EEPD1: variants seen among roughly 807,000 people sequenced by gnomAD.
EEPD1 encodes endonuclease/exonuclease/phosphatase family domain-containing protein 1.
In EEPD1, 17 loss-of-function variants were observed where a neutral mutation model predicts 46.3. That is an observed-to-expected ratio of 0.37 (90% CI 0.25 to 0.55). The LOEUF is 0.55. Ranked by LOEUF, EEPD1 falls within the 20% of genes least tolerant of loss-of-function variation. The pLI is 0.83. For synonymous variants in EEPD1, 313 were observed against 315.6 expected, an observed-to-expected ratio of 0.99 and a Z score of 0.09; for missense variants, 673 against 745.6, an observed-to-expected ratio of 0.90 and a Z score of 1.13.
chr7:36,271,795 C>A (rs952573982), intron 3 of EEPD1, among the ~76,000 whole-genome samples: 11 of 149,356 alleles, frequency 7.4e-5, no homozygotes, highest in Non-Finnish European at 1.3e-4. Context: ...GGAACATAAG[C>A]CTCCTATTCT....
At chr7:36,197,718 T>G (rs1240061442) in intron 2 of EEPD1, among the ~76,000 whole-genome samples, 1 of 151,972 alleles carries the variant, frequency 6.6e-6, no homozygotes, top group Admixed American at 6.6e-5. Context: ...GAAGGCAGCA[T>G]GCTCGTTAAG....
rs1476592033 is a variant in EEPD1 at position 36,219,800 on chromosome 7, A to AGTGTGT, written c.879-19184_879-19183insTGTGTG. 3.1e-3 allele frequency among the ~76,000 whole-genome samples: 206 copies of AGTGTGT among 66,558 alleles called. 1 individual carries two copies. The highest frequency in any genetic ancestry group is 9.3e-3 in the Middle Eastern group (1 of 108). The allele number at this position is 66,558 out of a possible 152,430, so 43.7% of individuals were successfully genotyped here. A position where few individuals can be genotyped will look rare whatever the true frequency, so the allele number is the denominator to read the frequency against. ...AAGAGAGAGAGAGAGAGAGAGAGAG[A>AGTGTGT]GAGAGAGTGTGTGTGTGTGTGTGTG... On this transcript the variant is annotated intron_variant, in intron 2 of 7. Transcript: ENST00000242108.
chr7:36,246,688 G>A (rs1327733356), intron 3 of EEPD1, among the ~76,000 whole-genome samples: 1 of 152,112 alleles, frequency 6.6e-6, no homozygotes, highest in Non-Finnish European at 1.5e-5. Flanking sequence ...CCTGCTGATA[G>A]GTGTTTTTTT....
At chr7:36,157,911 A>G (rs745491502) in intron 2 of EEPD1, among the ~76,000 whole-genome samples, 1 of 152,016 alleles carries the variant, frequency 6.6e-6, no homozygotes, top group African/African-American at 2.4e-5. Context: ...TCCCCTTCCA[A>G]TTGTTCCCGT....
chr7:36,207,803 T>A (rs1785848097), intron 2 of EEPD1, among the ~76,000 whole-genome samples: 1 of 152,082 alleles, frequency 6.6e-6, no homozygotes, highest in South Asian at 2.1e-4. Flanking sequence ...TTAGTAATCC[T>A]CGAGTCTTAG....
At chr7:36,204,416 T>TGAGGAGGAG (rs755423607) in intron 2 of EEPD1, among the ~76,000 whole-genome samples, 1 of 146,346 alleles carries the variant, frequency 6.8e-6, no homozygotes, top group Non-Finnish European at 1.6e-5. Context: ...GCAGCAATGA[T>TGAGGAGGAG]GATGAGGAGG....
chr7:36,259,130 GGT>G lies in EEPD1; in HGVS notation c.930+20096_930+20097del, dbSNP rs368053414. On this transcript the variant is annotated intron_variant, in intron 3 of 7. Coordinates refer to ENST00000242108, the MANE Select transcript of EEPD1 (RefSeq NM_030636.3). Reference sequence around the variant, plus strand: ...CGGACCCCTTGTGCTTCCCAGGTGAGGTGATACCCCATCCTGGTTCAGCTCGC... The same window carrying G: ...CGGACCCCTTGTGCTTCCCAGGTGAGGATACCCCATCCTGGTTCAGCTCGC... Among the ~76,000 whole-genome samples, 207 of 152,260 alleles carry G rather than the reference GGT, an allele frequency of 1.4e-3. 1 individual carries two copies. The highest frequency in any genetic ancestry group is 4.8e-3 in the African/African-American group (199 of 41,548).
intron 2 of EEPD1, among the ~76,000 whole-genome samples, chr7:36,173,032 G>T (rs1785116529): frequency 6.6e-6 from 1 of 152,070 alleles, no homozygotes; most frequent in Non-Finnish European, 1.5e-5. Flanking sequence ...TGCTTGGTTT[G>T]TGTGGAAAAA....
chr7:36,292,917 C>T (rs771884171), intron 6 of EEPD1, among the ~76,000 whole-genome samples: 25 of 151,900 alleles, frequency 1.6e-4, no homozygotes, highest in Non-Finnish European at 3.1e-4. Context: ...GAAAAGAGGA[C>T]TTGGAAGAAT....
chr7:36,209,460 G>A (rs755256390), intron 2 of EEPD1, among the ~76,000 whole-genome samples: 21 of 152,168 alleles, frequency 1.4e-4, no homozygotes, highest in Non-Finnish European at 2.6e-4. Flanking sequence ...CACGTGTGCC[G>A]TTATTGATGA....
intron 2 of EEPD1, among the ~76,000 whole-genome samples, chr7:36,235,141 C>T (rs985952823): frequency 1.0e-4 from 15 of 148,072 alleles, no homozygotes; most frequent in African/African-American, 3.0e-4. Flanking sequence ...TCCCCTACAG[C>T]CTCCAGCCCA....
intron 2 of EEPD1, among the ~76,000 whole-genome samples, chr7:36,221,666 A>C (rs1051135509): frequency 6.6e-5 from 10 of 152,206 alleles, no homozygotes; most frequent in Non-Finnish European, 8.8e-5. Flanking sequence ...ATTTTGAGGA[A>C]TGAAAGCTTT....
At position 36,171,512 on chromosome 7, in the gene EEPD1, T is replaced by G. The variant is rs552430198; in HGVS notation, c.878+16310T>G. Among the ~76,000 whole-genome samples the G allele has an allele frequency of 2.0e-5, 3 of 152,368 alleles. No homozygotes were observed. The South Asian group carries it at 6.2e-4, about 32-fold the overall frequency. ...CTTTCATAGTTCAGACATCATTGAT[T>G]GAATCTTGTTTTACTAAATCTTTCT... On this transcript the variant is annotated intron_variant, in intron 2 of 7. Transcript: ENST00000242108.
At chr7:36,229,421 T>C (rs1786281159) in intron 2 of EEPD1, 1 of 152,224 alleles carries the variant, frequency 6.6e-6, no homozygotes, top group Non-Finnish European at 1.5e-5. Flanking sequence ...AGAATGTGAA[T>C]GCACAGCTTT....
chr7:36,196,933 C>T (rs1785608496), intron 2 of EEPD1, among the ~76,000 whole-genome samples: 1 of 151,346 alleles, frequency 6.6e-6, no homozygotes, highest in Admixed American at 6.6e-5. Context: ...TGAGGAGCGC[C>T]TCTTCCGGGC....
At chr7:36,190,983 C>T (rs1398501653) in intron 2 of EEPD1, among the ~76,000 whole-genome samples, 1 of 152,228 alleles carries the variant, frequency 6.6e-6, no homozygotes, top group Admixed American at 6.5e-5. Context: ...TCACTGACCT[C>T]TTCCCCAGAA....
intron 2 of EEPD1, among the ~76,000 whole-genome samples, chr7:36,170,377 C>T (rs1433645612): frequency 6.6e-6 from 1 of 151,854 alleles, no homozygotes; most frequent in African/African-American, 2.4e-5. Flanking sequence ...CCACTGCACT[C>T]CAGCCTGGGT....
rs3053348 is a variant in EEPD1, at chr7:36,183,888, T to TTGTTTTTTTTTTTTTTTTTTTTTTTTG, written c.878+28686_878+28687insTGTTTTTTTTTTTTTTTTTTTTTTTTG. Among the ~76,000 whole-genome samples the TTGTTTTTTTTTTTTTTTTTTTTTTTTG allele has an allele frequency of 4.4e-5, 6 of 135,414 alleles. 1 individual carries two copies. Among genetic ancestry groups the TTGTTTTTTTTTTTTTTTTTTTTTTTTG allele is most frequent in the Non-Finnish European group, 8.2e-5 (5 of 60,650 alleles). The allele number at this position is 135,414 out of a possible 152,430, so 88.8% of individuals were successfully genotyped here. A position where few individuals can be genotyped will look rare whatever the true frequency, so the allele number is the denominator to read the frequency against. On this transcript the variant is annotated intron_variant, in intron 2 of 7. Transcript: ENST00000242108. ...TTCCTAGCCCTCGTTTTTTTTTTTT[T>TTGTTTTTTTTTTTTTTTTTTTTTTTTG]ATTTTTAAAAAAATGTGTGTTGTTG...
intron 2 of EEPD1, among the ~76,000 whole-genome samples, chr7:36,190,215 T>C (rs1785437865): frequency 6.6e-6 from 1 of 152,102 alleles, no homozygotes; most frequent in African/African-American, 2.4e-5. Flanking sequence ...CAACAACAAA[T>C]TTTAAAGTTA....
Sources: allele counts gnomAD v4.1 joint callset (sites outside exome capture counted in the v4.1 genomes callset), GRCh38; gene constraint gnomAD v4.1.1; transcripts MANE v1.5; gene names NCBI Gene and HGNC (gene_info 2026-07-23, HGNC 2026-07-21).